Variants in SGMS1 observed in about 807,000 individuals in gnomAD.
SGMS1 encodes phosphatidylcholine:ceramide cholinephosphotransferase 1.
Under a neutral mutation model 46.2 loss-of-function variants are expected in SGMS1, and 13 were observed. The observed-to-expected ratio is 0.28, with a 90% CI of 0.18 to 0.45. The LOEUF is 0.45. SGMS1 is among the 20% of genes least tolerant of loss of function. The pLI is 1.00. For missense variants in SGMS1, 324 were observed against 519.9 expected (o/e 0.62, Z 3.66); for synonymous variants, 203 against 187.8 (o/e 1.08, Z -0.66).
At chr10:50,502,990 C>A (rs1054402241) in intron 3 of SGMS1, among the ~76,000 whole-genome samples, 19 of 152,262 alleles carry the variant, frequency 1.2e-4, no homozygotes, top group Non-Finnish European at 1.9e-4. Context: ...ATGACCGATA[C>A]AAAAAATGGC....
intron 3 of SGMS1, among the ~76,000 whole-genome samples, chr10:50,475,185 C>T (rs985612672): frequency 3.3e-5 from 5 of 152,058 alleles, no homozygotes; most frequent in East Asian, 1.9e-4. Context: ...AAATGTTGTC[C>T]GGTAGAGATA....
At chr10:50,491,530 G>A (rs1371584977) in intron 3 of SGMS1, among the ~76,000 whole-genome samples, 1 of 152,144 alleles carries the variant, frequency 6.6e-6, no homozygotes, top group African/African-American at 2.4e-5. Context: ...TGATAGGTCA[G>A]AATTAAGATT....
intron 1 of SGMS1, chr10:50,623,482 GAT>G: frequency 5.1e-6 from 4 of 779,918 alleles, no homozygotes; most frequent in Non-Finnish European, 6.2e-6. Flanking sequence ...TCCGAGCCCG[GAT>G]CCCGGCCGCC....
At chr10:50,355,331 G>A (rs1274412842) in intron 6 of SGMS1, among the ~76,000 whole-genome samples, 1 of 152,202 alleles carries the variant, frequency 6.6e-6, no homozygotes, top group Non-Finnish European at 1.5e-5. Context: ...CCAAGCCGAG[G>A]CTGGACTGTA....
At chr10:50,534,621 A>G (rs1837983607) in intron 2 of SGMS1, among the ~76,000 whole-genome samples, 1 of 152,244 alleles carries the variant, frequency 6.6e-6, no homozygotes, top group African/African-American at 2.4e-5. Context: ...AAATTACCCA[A>G]TCGTTCAACA....
intron 3 of SGMS1, among the ~76,000 whole-genome samples, chr10:50,477,771 C>T (rs1269460919): frequency 6.6e-6 from 1 of 152,164 alleles, no homozygotes; most frequent in Non-Finnish European, 1.5e-5. Flanking sequence ...GTAGTACCTC[C>T]TCCCACTCTC....
chr10:50,613,485 G>A (rs80276949), intron 1 of SGMS1, among the ~76,000 whole-genome samples: 1,920 of 152,256 alleles, frequency 0.013, 13 homozygotes, highest in Non-Finnish European at 0.021. Flanking sequence ...GTTATAAAAT[G>A]ACCAGACTGG....
intron 2 of SGMS1, among the ~76,000 whole-genome samples, chr10:50,562,904 C>G (rs1420577814): frequency 1.3e-5 from 2 of 152,118 alleles, no homozygotes; most frequent in African/African-American, 4.8e-5. Flanking sequence ...TGTGCATCTG[C>G]CTGTGATTCC....
intron 2 of SGMS1, among the ~76,000 whole-genome samples, chr10:50,570,191 C>T (rs1231183779): frequency 1.3e-5 from 2 of 152,116 alleles, no homozygotes; most frequent in African/African-American, 4.8e-5. Flanking sequence ...CTAATTGAAC[C>T]AGCCTTCCTT....
At chr10:50,340,098 A>G (rs1003423927) in intron 7 of SGMS1, among the ~76,000 whole-genome samples, 2 of 152,224 alleles carry the variant, frequency 1.3e-5, no homozygotes, top group Non-Finnish European at 2.9e-5. Flanking sequence ...AAAAGTTGGA[A>G]GAAAAATATA....
At chr10:50,544,025 G>C (rs1838078494) in intron 2 of SGMS1, among the ~76,000 whole-genome samples, 1 of 152,310 alleles carries the variant, frequency 6.6e-6, no homozygotes, top group Admixed American at 6.5e-5. Flanking sequence ...TTCCAAGTCA[G>C]AACATTCTGA....
intron 3 of SGMS1, among the ~76,000 whole-genome samples, chr10:50,475,074 T>TG (rs1368123282): frequency 1.3e-5 from 2 of 152,198 alleles, no homozygotes; most frequent in Non-Finnish European, 2.9e-5. Context: ...TTCCTGGGTA[T>TG]GTTTCCAGAA....
rs545289910 is a variant in SGMS1, at chr10:50,620,492, G to A, written c.-684+3215C>T. 5.9e-5 allele frequency among the ~76,000 whole-genome samples: 9 copies of A among 152,286 alleles called. No homozygotes were observed. In the South Asian group the frequency reaches 1.9e-3, roughly 32 times the overall value. ...TGAATAGTTTGCCATATGAAGTGGT[G>A]GGAAAGTGTATATGGCAATCAAAAA... On this transcript the variant is annotated intron_variant, in intron 1 of 10. Coordinates refer to ENST00000361781, the MANE Select transcript of SGMS1 (RefSeq NM_147156.4).
intron 6 of SGMS1, among the ~76,000 whole-genome samples, chr10:50,367,778 G>C (rs1407878106): frequency 2.0e-5 from 3 of 152,144 alleles, no homozygotes; most frequent in African/African-American, 4.8e-5. Context: ...CAAACTTCCA[G>C]GTCCCACTTT....
chr10:50,496,402 T>C (rs957001840), intron 3 of SGMS1, among the ~76,000 whole-genome samples: 4 of 152,184 alleles, frequency 2.6e-5, no homozygotes, highest in Admixed American at 6.5e-5. Flanking sequence ...TCAGTGAACA[T>C]CAACATACAG....
upstream of SGMS1, among the ~76,000 whole-genome samples, chr10:50,624,375 C>T (rs2131955722): frequency 6.6e-6 from 1 of 152,310 alleles, no homozygotes; most frequent in South Asian, 2.1e-4. Context: ...CCCACCAAGC[C>T]CAAGGGCTGC....
intron 2 of SGMS1, among the ~76,000 whole-genome samples, chr10:50,552,085 C>G (rs552479466): frequency 1.3e-5 from 2 of 152,278 alleles, no homozygotes; most frequent in East Asian, 3.9e-4. Context: ...TAAAAACAGG[C>G]AGAAGGCTGG....
chr10:50,437,542 A>G (rs1287435822), intron 5 of SGMS1, among the ~76,000 whole-genome samples: 1 of 152,236 alleles, frequency 6.6e-6, no homozygotes, highest in Non-Finnish European at 1.5e-5. Context: ...AGAAGGAACA[A>G]TAACTAAAGA....
intron 6 of SGMS1, among the ~76,000 whole-genome samples, chr10:50,367,267 G>C (rs1001041644): frequency 6.6e-6 from 1 of 152,086 alleles, no homozygotes; most frequent in African/African-American, 2.4e-5. Context: ...ACAACCCTAG[G>C]GACTAACATC....
Sources: gnomAD v4.1 joint callset for allele counts (sites outside exome capture counted in the v4.1 genomes callset) on GRCh38, gnomAD v4.1.1 for gene constraint, MANE v1.5 for transcripts, NCBI Gene and HGNC (gene_info 2026-07-23, HGNC 2026-07-21) for gene names.